ELL2: variants seen among roughly 807,000 people sequenced by gnomAD.
ELL2 encodes RNA polymerase II elongation factor ELL2.
ELL2 carries 21 observed loss-of-function variants against 72.8 expected under a neutral mutation model. That is an observed-to-expected ratio of 0.29 (90% CI 0.20 to 0.42). ELL2 has a LOEUF of 0.42. ELL2 is among the 10% of genes least tolerant of loss of function. The probability of loss-of-function intolerance (pLI) is 1.00; values close to 1 mark genes in which losing one functional copy is unlikely to be tolerated. For missense variants in ELL2, 568 were observed against 772.8 expected (o/e 0.73, Z 3.14); for synonymous variants, 266 against 283.2 (o/e 0.94, Z 0.61).
chr5:95,943,727 C>T (rs949267750), intron 1 of ELL2, among the ~76,000 whole-genome samples: 14 of 152,196 alleles, frequency 9.2e-5, no homozygotes, highest in Non-Finnish European at 1.6e-4. Context: ...TACCAGTTCT[C>T]TCACATGATT....
chr5:95,956,909 C>T (rs1751647269), intron 1 of ELL2, among the ~76,000 whole-genome samples: 1 of 152,136 alleles, frequency 6.6e-6, no homozygotes, highest in Non-Finnish European at 1.5e-5. Context: ...TATCACTTTC[C>T]TAGAAGACAC....
intron 9 of ELL2, among the ~76,000 whole-genome samples, chr5:95,892,149 C>CT (rs58579572): frequency 0.047 from 6,774 of 144,086 alleles, 249 homozygotes; most frequent in African/African-American, 0.094. Flanking sequence ...TACAGTATTA[C>CT]TTTTTTTTTT....
At chr5:95,926,860 G>C (rs1750298686) in intron 2 of ELL2, among the ~76,000 whole-genome samples, 1 of 152,098 alleles carries the variant, frequency 6.6e-6, no homozygotes, top group Non-Finnish European at 1.5e-5. Flanking sequence ...AACATCGATG[G>C]AAGTAAAGTA....
chr5:95,885,354 G>A lies in ELL2; in HGVS notation c.*3517C>T, dbSNP rs1748429066. ...CATCTCCTGTGGCCTTCAGTTAGTAGTGCCAGTTAATATTGTTTCTGAAAA... is the reference window on the plus strand; with the variant it reads ...CATCTCCTGTGGCCTTCAGTTAGTAATGCCAGTTAATATTGTTTCTGAAAA... On this transcript the variant is annotated 3_prime_UTR_variant, in exon 12 of 12. Transcript: ENST00000237853. 6.6e-6 allele frequency: 1 copy of A among 152,216 alleles called. No individual in the cohort carries two copies. The highest frequency in any genetic ancestry group is 2.4e-5 in the African/African-American group (1 of 41,452). 9.4% of individuals were successfully genotyped at this position (152,216 alleles called of 1,614,324 possible).
At chr5:95,961,062 G>A (rs975793066) in intron 1 of ELL2, among the ~76,000 whole-genome samples, 5 of 148,678 alleles carry the variant, frequency 3.4e-5, no homozygotes, top group African/African-American at 1.3e-4. Context: ...AAGTCCCTGG[G>A]AATACAAGGT....
At chr5:95,943,145 G>T in intron 1 of ELL2, 96 bp from the exon 2 acceptor site, 1 of 990,296 alleles carries the variant, frequency 1.0e-6, no homozygotes, top group Non-Finnish European at 1.4e-6. Context: ...TTTGGGCCAG[G>T]CACAGTGACT....
chr5:95,957,625 C>A (rs1256940712), intron 1 of ELL2, among the ~76,000 whole-genome samples: 3 of 152,164 alleles, frequency 2.0e-5, no homozygotes, highest in Non-Finnish European at 4.4e-5. Flanking sequence ...GATATTTACT[C>A]CAACTATAAC....
At chr5:95,891,664 T>TA (rs1208732615) in intron 9 of ELL2, among the ~76,000 whole-genome samples, 1 of 152,214 alleles carries the variant, frequency 6.6e-6, no homozygotes, top group African/African-American at 2.4e-5. Context: ...ACTCAATGGG[T>TA]AATGTGAAAC....
chr5:95,924,945 G>A (rs1750232865), intron 2 of ELL2, among the ~76,000 whole-genome samples: 1 of 152,168 alleles, frequency 6.6e-6, no homozygotes, highest in Non-Finnish European at 1.5e-5. Context: ...AGGATCTAGG[G>A]CAGAAGCACA....
rs565386901 is a variant in ELL2 at position 95,899,975 on chromosome 5, A to G, written c.954+718T>C. ...TCCACACATCTGTGGGCTTCTCACT[A>G]ATTCTTGGGAGTAAGGTCCAGAGAG... On this transcript the variant is annotated intron_variant, in intron 7 of 11. Coordinates refer to ENST00000237853, the MANE Select transcript of ELL2 (RefSeq NM_012081.6). Among the ~76,000 whole-genome samples, 5 of 152,160 alleles carry G rather than the reference A, an allele frequency of 3.3e-5. No homozygotes were observed. In the South Asian group the frequency reaches 8.3e-4, roughly 25 times the overall value.
chr5:95,919,738 C>T (rs1444987665), intron 2 of ELL2, among the ~76,000 whole-genome samples, 193 bp from the exon 3 acceptor site: 1 of 152,192 alleles, frequency 6.6e-6, no homozygotes, highest in Non-Finnish European at 1.5e-5. Context: ...TTACCAGATT[C>T]TTATTTCCAT....
At chr5:95,893,674 C>T (rs772793091) in intron 9 of ELL2, among the ~76,000 whole-genome samples, 16 of 152,144 alleles carry the variant, frequency 1.1e-4, no homozygotes, top group African/African-American at 3.1e-4. Flanking sequence ...CGTGAGCCAC[C>T]GCGCCCGGCC....
At chr5:95,892,186 G>A (rs187510015) in intron 9 of ELL2, among the ~76,000 whole-genome samples, 1,501 of 147,986 alleles carry the variant, frequency 0.01, 24 homozygotes, top group African/African-American at 0.035. Context: ...TTGCTCTGTC[G>A]CCCAGGCCAG....
intron 1 of ELL2, among the ~76,000 whole-genome samples, chr5:95,954,599 T>TC (rs1214936765): frequency 2.6e-5 from 3 of 115,842 alleles, no homozygotes; most frequent in East Asian, 2.6e-4. Context: ...TTTTTTTCTT[T>TC]TTTTTTTTTT....
chr5:95,961,665 G>A lies in ELL2; in HGVS notation c.57C>T (p.Cys19=), dbSNP rs745871646. 1.2e-5 allele frequency: 20 copies of A among 1,609,060 alleles called. No homozygotes were observed. Among genetic ancestry groups the A allele is most frequent in the Non-Finnish European group, 1.4e-5 (17 of 1,178,318 alleles). ...TGATGTTGTCCTGCCCCAGCCGTCC[G>A]CACGACAGCCCATAGCGCTGCTCCT... ...LREEQRYGLS[C]GRLGQDNITV... The change falls in exon 1 of 12, where the codon TGC becomes TGT. Residue 19 remains cysteine (C), a synonymous_variant. Coordinates refer to ENST00000237853, the MANE Select transcript of ELL2 (RefSeq NM_012081.6).
intron 1 of ELL2, among the ~76,000 whole-genome samples, chr5:95,949,015 G>C (rs558532652): frequency 7.6e-4 from 116 of 152,224 alleles, no homozygotes; most frequent in Non-Finnish European, 1.4e-3. Context: ...AGTAGTATAG[G>C]CAATGCTAAA....
intron 10 of ELL2, among the ~76,000 whole-genome samples, chr5:95,890,251 G>GA (rs1375525169): frequency 6.6e-6 from 1 of 152,148 alleles, no homozygotes; most frequent in Admixed American, 6.5e-5. Flanking sequence ...CCAGCTTGTT[G>GA]AAAAAGATTA....
At chr5:95,908,362 G>T (rs1211855752) in intron 4 of ELL2, among the ~76,000 whole-genome samples, 2 of 152,144 alleles carry the variant, frequency 1.3e-5, no homozygotes, top group Non-Finnish European at 2.9e-5. Flanking sequence ...TCCTCACTTA[G>T]CATTTGGGAG....
chr5:95,945,291 C>A (rs928520471), intron 1 of ELL2, among the ~76,000 whole-genome samples: 1 of 152,184 alleles, frequency 6.6e-6, no homozygotes, highest in Non-Finnish European at 1.5e-5. Flanking sequence ...GGCTCGCCAC[C>A]TTAAAATTAA....
Sources: gnomAD v4.1 joint callset for allele counts (sites outside exome capture counted in the v4.1 genomes callset) on GRCh38, gnomAD v4.1.1 for gene constraint, MANE v1.5 for transcripts, NCBI Gene and HGNC (gene_info 2026-07-23, HGNC 2026-07-21) for gene names.